Variants in SLC35D4 observed in about 807,000 individuals in gnomAD.
SLC35D4 encodes solute carrier family 35 member D4, also known as UDP-N-acetylglucosamine transporter SLC35D4.
At chr18:23,354,205 CA>C in the SLC35D4 span, among the ~76,000 whole-genome samples, 2 of 152,010 alleles carry the variant, frequency 1.3e-5, no homozygotes, top group Non-Finnish European at 2.9e-5. Context: ...ACCAGCTAGA[CA>C]AAGAGTGAGA....
chr18:23,303,574 T>C, the SLC35D4 span, among the ~76,000 whole-genome samples: 9 of 152,220 alleles, frequency 5.9e-5, no homozygotes, highest in African/African-American at 1.9e-4. Context: ...ATGTGGTCAA[T>C]GCAGGCTTAC....
At chr18:23,348,782 TA>T in the SLC35D4 span, among the ~76,000 whole-genome samples, 1 of 152,252 alleles carries the variant, frequency 6.6e-6, no homozygotes. Flanking sequence ...GTTTTGTTTT[TA>T]AAAAATCCAA....
chr18:23,338,177 T>C, the SLC35D4 span, among the ~76,000 whole-genome samples: 13 of 152,236 alleles, frequency 8.5e-5, no homozygotes, highest in Non-Finnish European at 1.5e-4. Flanking sequence ...ACTCTTTATA[T>C]AGGTTTAAAA....
At chr18:23,430,365 C>G in the SLC35D4 span, among the ~76,000 whole-genome samples, 1 of 152,038 alleles carries the variant, frequency 6.6e-6, no homozygotes, top group Admixed American at 6.6e-5. Flanking sequence ...TGAGACACCA[C>G]GCCTAGCCTA....
At chr18:23,409,840 T>A in the SLC35D4 span, among the ~76,000 whole-genome samples, 1 of 83,118 alleles carries the variant, frequency 1.2e-5, no homozygotes, top group Non-Finnish European at 2.3e-5. Flanking sequence ...CAAGACTCCG[T>A]CTCTTAAAAA....
At chr18:23,411,543 A>AAGAAAGAAAGAG in the SLC35D4 span, among the ~76,000 whole-genome samples, 2 of 149,482 alleles carry the variant, frequency 1.3e-5, no homozygotes, top group Non-Finnish European at 3.0e-5. Context: ...GAAAGAAAGA[A>AAGAAAGAAAGAG]AGAAAGAAAG....
chr18:23,357,706 C>T, the SLC35D4 span, among the ~76,000 whole-genome samples: 2 of 152,236 alleles, frequency 1.3e-5, no homozygotes, highest in Non-Finnish European at 2.9e-5. Context: ...GGCTCCTATG[C>T]TTTCTTGGAG....
At chr18:23,298,103 C>A in the SLC35D4 span, 1 of 1,612,910 alleles carries the variant, frequency 6.2e-7, no homozygotes, top group African/African-American at 1.3e-5. Flanking sequence ...TCTCCACTCC[C>A]CCGGGACCCC....
chr18:23,248,683 G>A, the SLC35D4 span, among the ~76,000 whole-genome samples: 1 of 151,996 alleles, frequency 6.6e-6, no homozygotes, highest in African/African-American at 2.4e-5. Context: ...CAGCTGGGTG[G>A]GTGTGGTGGC....
chr18:23,284,451 A>C, the SLC35D4 span, among the ~76,000 whole-genome samples: 2 of 152,214 alleles, frequency 1.3e-5, no homozygotes, highest in African/African-American at 4.8e-5. Flanking sequence ...ACGGGTTGCC[A>C]ATCAGAAAAT....
At chr18:23,399,570 C>T in the SLC35D4 span, 15 of 1,613,696 alleles carry the variant, frequency 9.3e-6, no homozygotes, top group Non-Finnish European at 1.3e-5. Flanking sequence ...ACTTACCAGT[C>T]TGGACAATGC....
the SLC35D4 span, among the ~76,000 whole-genome samples, chr18:23,254,631 G>C: frequency 6.6e-6 from 1 of 152,188 alleles, no homozygotes; most frequent in Admixed American, 6.5e-5. Flanking sequence ...TGGAGGCTGG[G>C]AAGTCCAGGG....
the SLC35D4 span, among the ~76,000 whole-genome samples, chr18:23,342,996 C>A: frequency 2.0e-5 from 3 of 151,732 alleles, no homozygotes; most frequent in Non-Finnish European, 4.4e-5. Flanking sequence ...AATCTTGGCT[C>A]AATGCAACCT....
At chr18:23,405,540 C>T in the SLC35D4 span, among the ~76,000 whole-genome samples, 2 of 152,148 alleles carry the variant, frequency 1.3e-5, no homozygotes, top group African/African-American at 4.8e-5. Context: ...GTTACAGAAG[C>T]CCAAATGAAC....
At chr18:23,297,943 C>T in the SLC35D4 span, 34 of 1,561,302 alleles carry the variant, frequency 2.2e-5, no homozygotes, top group Non-Finnish European at 2.7e-5. Context: ...ACCAGGGGCT[C>T]GTACACAGGT....
At chr18:23,433,627 C>T in the SLC35D4 span, among the ~76,000 whole-genome samples, 35 of 152,164 alleles carry the variant, frequency 2.3e-4, no homozygotes. Context: ...CTCCTCCCTC[C>T]CTACCTAGGG....
At chr18:23,368,371 G>A in the SLC35D4 span, among the ~76,000 whole-genome samples, 2 of 152,192 alleles carry the variant, frequency 1.3e-5, no homozygotes, top group African/African-American at 4.8e-5. Flanking sequence ...TGGACCCAAG[G>A]AGCCCTGGAA....
the SLC35D4 span, among the ~76,000 whole-genome samples, chr18:23,420,602 T>C: frequency 1.3e-5 from 2 of 151,940 alleles, no homozygotes; most frequent in African/African-American, 4.8e-5. Context: ...TCTCAAACTC[T>C]TGGGTTCAAG....
the SLC35D4 span, chr18:23,297,912 C>T: frequency 3.5e-6 from 5 of 1,443,604 alleles, no homozygotes; most frequent in African/African-American, 4.2e-5. Context: ...CTTTCTGACA[C>T]ATCCAACAGG....
Sources: allele counts gnomAD v4.1 joint callset (sites outside exome capture counted in the v4.1 genomes callset), GRCh38; gene constraint gnomAD v4.1.1; transcripts MANE v1.5; gene names NCBI Gene and HGNC (gene_info 2026-07-23, HGNC 2026-07-21).